Variants in SOX6 observed in about 807,000 individuals in gnomAD.
The protein encoded by SOX6 is SRY-box transcription factor 6.
SOX6 carries 11 observed loss-of-function variants against 97.8 expected under a neutral mutation model. The ratio of observed to expected loss-of-function variants is 0.11; its 90% CI spans 0.07 to 0.19. The LOEUF (loss-of-function observed/expected upper bound fraction) is 0.19, where lower values mean the gene tolerates loss of function less well. SOX6 is among the 10% of genes least tolerant of loss of function. The probability of loss-of-function intolerance (pLI) is 1.00; values close to 1 mark genes in which losing one functional copy is unlikely to be tolerated. For missense variants in SOX6, 810 were observed against 1,039.5 expected, an observed-to-expected ratio of 0.78 and a Z score of 3.04; for synonymous variants, 360 against 371.4, an observed-to-expected ratio of 0.97 and a Z score of 0.35.
At chr11:16,281,220 T>C (rs1198430729) in intron 3 of SOX6, among the ~76,000 whole-genome samples, 5 of 152,082 alleles carry the variant, frequency 3.3e-5, no homozygotes, top group Non-Finnish European at 7.4e-5. Flanking sequence ...ATGTCAAATG[T>C]TCAGAAGTCA....
At chr11:16,595,888 A>G (rs544113892) in intron 4 of SOX6, among the ~76,000 whole-genome samples, 2 of 152,356 alleles carry the variant, frequency 1.3e-5, no homozygotes, top group Non-Finnish European at 2.9e-5. Flanking sequence ...TGCTTCTGCC[A>G]CTACTACTGT....
chr11:16,390,957 G>C (rs1303304309), intron 1 of SOX6, among the ~76,000 whole-genome samples: 1 of 152,142 alleles, frequency 6.6e-6, no homozygotes, highest in African/African-American at 2.4e-5. Flanking sequence ...GTCCATCAAT[G>C]ATACACTGGA....
At chr11:16,105,951 C>T (rs561181815) in intron 7 of SOX6, among the ~76,000 whole-genome samples, 26 of 151,772 alleles carry the variant, frequency 1.7e-4, no homozygotes, top group South Asian at 1.2e-3. Context: ...ATTTCATTTA[C>T]GAAAGTATTA....
In SOX6 at chr11:16,226,241, A is replaced by G. The variant is rs149927877; in HGVS notation, c.535+8341T>C. Among the ~76,000 whole-genome samples, 518 of 151,978 alleles carry G rather than the reference A, an allele frequency of 3.4e-3. 3 individuals carry two copies. Among genetic ancestry groups the G allele is most frequent in the African/African-American group, 0.012 (491 of 41,458 alleles). On this transcript the variant is annotated intron_variant, in intron 4 of 15. Coordinates refer to ENST00000683767, the MANE Select transcript of SOX6 (RefSeq NM_001367873.1). ...TCTACCTTGATCCCTAAATGTAAATATTGAAATAATTAATCGTAAATGACC... is the reference window on the plus strand; with the variant it reads ...TCTACCTTGATCCCTAAATGTAAATGTTGAAATAATTAATCGTAAATGACC...
At chr11:16,608,808 A>G (rs565798373) in intron 4 of SOX6, among the ~76,000 whole-genome samples, 6 of 152,238 alleles carry the variant, frequency 3.9e-5, no homozygotes, top group Non-Finnish European at 8.8e-5. Flanking sequence ...ATAAGTCTTC[A>G]TTGTATGGGA....
At chr11:16,038,784 G>C (rs1396251386) in intron 12 of SOX6, among the ~76,000 whole-genome samples, 3 of 152,080 alleles carry the variant, frequency 2.0e-5, no homozygotes, top group Non-Finnish European at 4.4e-5. Context: ...TTCAATGTCA[G>C]TCACATTACC....
At chr11:16,500,941 C>T (rs1052802203) in intron 4 of SOX6, among the ~76,000 whole-genome samples, 4 of 152,074 alleles carry the variant, frequency 2.6e-5, no homozygotes, top group African/African-American at 4.8e-5. Flanking sequence ...ACTTTCTTCA[C>T]AGAATTGGAA....
intron 3 of SOX6, among the ~76,000 whole-genome samples, chr11:16,255,862 G>C (rs186626342): frequency 6.7e-6 from 1 of 149,714 alleles, no homozygotes; most frequent in African/African-American, 2.4e-5. Flanking sequence ...AAGAGACGAC[G>C]CAAATTGGTA....
intron 4 of SOX6, among the ~76,000 whole-genome samples, chr11:16,218,782 G>C (rs967020544): frequency 6.6e-6 from 1 of 151,994 alleles, no homozygotes; most frequent in Non-Finnish European, 1.5e-5. Context: ...ACTAACACTG[G>C]TGATGTCGAC....
At chr11:15,995,535 C>A (rs1235005154) in intron 13 of SOX6, among the ~76,000 whole-genome samples, 2 of 151,758 alleles carry the variant, frequency 1.3e-5, no homozygotes, top group Admixed American at 1.3e-4. Context: ...TACAAACAAC[C>A]AGGAAAATGT....
intron 3 of SOX6, among the ~76,000 whole-genome samples, chr11:16,641,850 C>G (rs1363649976): frequency 6.6e-6 from 1 of 152,182 alleles, no homozygotes; most frequent in Non-Finnish European, 1.5e-5. Context: ...TGGGTCTTGA[C>G]TCTTTATCCA....
intron 9 of SOX6, among the ~76,000 whole-genome samples, chr11:16,063,499 TATATATATATATATATATATATATATA>T (rs1564933212): frequency 3.3e-3 from 37 of 11,376 alleles, no homozygotes; most frequent in African/African-American, 4.4e-3. Flanking sequence ...CATAATTTTA[TATATATATATATATATATATATATATA>T]TATATATATA....
intron 12 of SOX6, among the ~76,000 whole-genome samples, chr11:16,028,710 G>A (rs1223984032): frequency 2.0e-5 from 3 of 152,172 alleles, no homozygotes; most frequent in Non-Finnish European, 2.9e-5. Context: ...TGATGTAAAT[G>A]AGGTATGTGC....
chr11:16,139,971 A>C (rs1044735023), intron 6 of SOX6, among the ~76,000 whole-genome samples: 2 of 148,362 alleles, frequency 1.3e-5, no homozygotes, highest in Non-Finnish European at 3.0e-5. Context: ...ATATATATAT[A>C]TACATATAAT....
chr11:16,293,278 T>C (rs1854968531), intron 3 of SOX6, among the ~76,000 whole-genome samples: 1 of 152,126 alleles, frequency 6.6e-6, no homozygotes, highest in South Asian at 2.1e-4. Context: ...CCTTTTGTAA[T>C]AGTAGATGAG....
At chr11:16,687,210 A>G (rs1847976216) in intron 3 of SOX6, among the ~76,000 whole-genome samples, 1 of 152,240 alleles carries the variant, frequency 6.6e-6, no homozygotes, top group Non-Finnish European at 1.5e-5. Context: ...CTGTACAGGA[A>G]GCACAGTGCT....
At chr11:16,175,181 C>G (rs1276067650) in intron 6 of SOX6, among the ~76,000 whole-genome samples, 1 of 151,870 alleles carries the variant, frequency 6.6e-6, no homozygotes, top group African/African-American at 2.4e-5. Context: ...TGTATAGATA[C>G]AAATGTGTGT....
chr11:16,078,301 C>T (rs1003366616), intron 9 of SOX6, among the ~76,000 whole-genome samples: 2 of 152,032 alleles, frequency 1.3e-5, no homozygotes, highest in Non-Finnish European at 2.9e-5. Flanking sequence ...ACTTTAAATA[C>T]GTACATCTTG....
At chr11:16,160,963 T>C (rs1031506526) in intron 6 of SOX6, among the ~76,000 whole-genome samples, 2 of 152,236 alleles carry the variant, frequency 1.3e-5, no homozygotes, top group Non-Finnish European at 2.9e-5. Flanking sequence ...GCCACTTTAG[T>C]TCAAGAATCA....
Sources: gnomAD v4.1 joint callset for allele counts (sites outside exome capture counted in the v4.1 genomes callset) on GRCh38, gnomAD v4.1.1 for gene constraint, MANE v1.5 for transcripts, NCBI Gene and HGNC (gene_info 2026-07-23, HGNC 2026-07-21) for gene names.